Variants in ATG3 observed in about 807,000 individuals in gnomAD.
ATG3 encodes autophagy related 3, also known as ubiquitin-like-conjugating enzyme ATG3.
ATG3 carries 25 observed loss-of-function variants against 50.7 expected under a neutral mutation model. The ratio of observed to expected loss-of-function variants is 0.49; its 90% CI spans 0.36 to 0.69. The LOEUF (loss-of-function observed/expected upper bound fraction) is 0.69. Ranked by LOEUF, ATG3 falls within the 30% of genes least tolerant of loss-of-function variation. ATG3 has a pLI of 0.00. For missense variants in ATG3, 281 were observed against 376.0 expected (o/e 0.75, Z 2.09); for synonymous variants, 119 against 125.5 (o/e 0.95, Z 0.34).
Position 112,532,982 on chromosome 3 carries a change from G to C in ATG3, c.864-202C>G, listed in dbSNP as rs183468391. 6 of 1,203,802 alleles carry C rather than the reference G, an allele frequency of 5.0e-6. No homozygotes were observed. The East Asian group carries it at 2.0e-4, about 41-fold the overall frequency. The allele number at this position is 1,203,802 out of a possible 1,614,324, so 74.6% of individuals were successfully genotyped here. On this transcript the variant is annotated intron_variant, in intron 11 of 11. Transcript: ENST00000283290. The stretch of plus-strand genomic sequence containing the variant: ...TTTAAGACTACCTGACCACTCATTC[G>C]ATTATTGAATTTGAAACTTCTTAAT...
intron 11 of ATG3, chr3:112,533,023 T>C: frequency 8.8e-7 from 1 of 1,131,326 alleles, no homozygotes. Context: ...GGTGTTCATA[T>C]AAGCACAATT....
chr3:112,560,142 T>C (rs1034697842), intron 1 of ATG3, among the ~76,000 whole-genome samples: 6 of 152,242 alleles, frequency 3.9e-5, no homozygotes, highest in Non-Finnish European at 8.8e-5. Flanking sequence ...TATATTTCAT[T>C]TGGGCAGTCT....
chr3:112,544,901 TTTTA>T (rs963410402), intron 5 of ATG3, among the ~76,000 whole-genome samples: 7 of 152,118 alleles, frequency 4.6e-5, no homozygotes, highest in Admixed American at 4.6e-4. Context: ...CTAATGAGCA[TTTTA>T]TTTGAGCATC....
At position 112,532,622 on chromosome 3, in the gene ATG3, T is replaced by C. The variant is rs1055744875; in HGVS notation, c.*77A>G. Reference sequence around the variant, plus strand: ...GAGAAACTGTATATATTGATGAATATGGTCAATGGTCACATCTATGGGTTA... The same window carrying C: ...GAGAAACTGTATATATTGATGAATACGGTCAATGGTCACATCTATGGGTTA... On this transcript the variant is annotated 3_prime_UTR_variant, in exon 12 of 12. Transcript: ENST00000283290. The C allele has an allele frequency of 9.3e-7, 1 of 1,078,340 alleles. No individual in the cohort carries two copies. Among genetic ancestry groups the C allele is most frequent in the Non-Finnish European group, 1.3e-6 (1 of 782,006 alleles). The allele number at this position is 1,078,340 out of a possible 1,614,324, so 66.8% of individuals were successfully genotyped here.
chr3:112,550,055 T>C (rs1429663469), intron 4 of ATG3, 137 bp downstream of exon 4: 5 of 580,316 alleles, frequency 8.6e-6, no homozygotes, highest in Non-Finnish European at 5.9e-6. Context: ...TTGACAACTA[T>C]ATGTTTTTGG....
rs2107369990 is a variant in ATG3 at position 112,538,192 on chromosome 3, A to G, written c.476-12T>C. 1 of 1,566,792 alleles carries G rather than the reference A, an allele frequency of 6.4e-7. No individual in the cohort carries two copies. The highest frequency in any genetic ancestry group is 1.2e-5 in the South Asian group (1 of 85,452). ...ACTCTCTTCATATTCTGTTATAAAA[A>G]AACAACAAAAGATTAATCAAGTTCA... On this transcript the variant is annotated splice_polypyrimidine_tract_variant and intron_variant, in intron 7 of 11. Coordinates refer to ENST00000283290, the MANE Select transcript of ATG3 (RefSeq NM_022488.5).
chr3:112,533,939 T>C, intron 11 of ATG3: 1 of 1,082,528 alleles, frequency 9.2e-7, no homozygotes, highest in Non-Finnish European at 1.1e-6. Flanking sequence ...AATTTTACTT[T>C]TACCTGATGG....
chr3:112,534,964 T>C (rs948212727), intron 10 of ATG3: 3 of 152,066 alleles, frequency 2.0e-5, no homozygotes, highest in African/African-American at 7.2e-5. Flanking sequence ...TTCTAAAATT[T>C]ATCCAATTCT....
chr3:112,550,093 A>T (rs565861432), intron 4 of ATG3, 99 bp downstream of exon 4: 6 of 823,036 alleles, frequency 7.3e-6, no homozygotes, highest in Admixed American at 2.7e-5. Flanking sequence ...AAGAGGTGAT[A>T]AAACTAAGGA....
chr3:112,545,647 C>T (rs116045072), intron 5 of ATG3, among the ~76,000 whole-genome samples: 1 of 151,932 alleles, frequency 6.6e-6, no homozygotes, highest in Non-Finnish European at 1.5e-5. Flanking sequence ...GAATTGACTG[C>T]GGAACATAAA....
At chr3:112,552,788 C>G (rs542887162) in intron 3 of ATG3, among the ~76,000 whole-genome samples, 83 of 151,786 alleles carry the variant, frequency 5.5e-4, no homozygotes, top group African/African-American at 1.7e-3. Flanking sequence ...GTAGCTGGGA[C>G]CACAGACGCC....
chr3:112,535,508 C>G (rs1206895575), intron 10 of ATG3: 3 of 152,040 alleles, frequency 2.0e-5, no homozygotes, highest in Non-Finnish European at 4.4e-5. Flanking sequence ...TAAGAGGAAT[C>G]AAGAGAATAA....
At chr3:112,533,510 T>C (rs1160076513) in intron 11 of ATG3, 2 of 985,232 alleles carry the variant, frequency 2.0e-6, no homozygotes, top group Non-Finnish European at 2.4e-6. Context: ...ACACACTTTA[T>C]TAGCAATGCC....
rs546782617 is a variant in ATG3, at chr3:112,545,910, T to C, written c.344-1804A>G. ...GAGATGTGATGAACATTTAAGTAAG[T>C]AGACTGGATAAAGCAGATTACCCTC... On this transcript the variant is annotated intron_variant, in intron 5 of 11. Coordinates refer to ENST00000283290, the MANE Select transcript of ATG3 (RefSeq NM_022488.5). 3.9e-5 allele frequency among the ~76,000 whole-genome samples: 6 copies of C among 152,250 alleles called. No homozygotes were observed. In the South Asian group the frequency reaches 1.2e-3, roughly 32 times the overall value.
At chr3:112,547,485 G>A (rs1435215302) in intron 5 of ATG3, among the ~76,000 whole-genome samples, 2 of 152,148 alleles carry the variant, frequency 1.3e-5, no homozygotes, top group African/African-American at 4.8e-5. Context: ...TTTGTTTTTA[G>A]TATCATGGAT....
intron 4 of ATG3, 138 bp downstream of exon 4, chr3:112,550,054 A>G (rs748006760): frequency 4.9e-5 from 28 of 577,310 alleles, no homozygotes; most frequent in Middle Eastern, 4.5e-4. Context: ...CTTGACAACT[A>G]TATGTTTTTG....
At chr3:112,556,062 T>C (rs1348571137) in intron 2 of ATG3, among the ~76,000 whole-genome samples, 1 of 145,686 alleles carries the variant, frequency 6.9e-6, no homozygotes, top group Non-Finnish European at 1.5e-5. Context: ...AAGAGCCATG[T>C]TCAAATTACA....
chr3:112,537,917 A>G (rs537086911), intron 8 of ATG3, 27 bp from the exon 9 acceptor site: 1 of 1,560,432 alleles, frequency 6.4e-7, no homozygotes, highest in South Asian at 1.2e-5. Context: ...AGAAAAATTT[A>G]CAACCATTAA....
At chr3:112,536,697 G>A (rs980299093) in intron 9 of ATG3, 95 bp from the exon 10 acceptor site, 333 of 1,317,230 alleles carry the variant, frequency 2.5e-4, no homozygotes, top group Middle Eastern at 1.2e-3. Flanking sequence ...TGAGGTGGGC[G>A]GATCACATGG....
Sources: allele counts gnomAD v4.1 joint callset (sites outside exome capture counted in the v4.1 genomes callset), GRCh38; gene constraint gnomAD v4.1.1; transcripts MANE v1.5; gene names NCBI Gene and HGNC (gene_info 2026-07-23, HGNC 2026-07-21).